The following CNTN5 variants were observed in gnomAD, a reference collection of about 807,000 sequenced individuals.
CNTN5 encodes contactin 5, also known as contactin-5.
Under a neutral mutation model 129.1 loss-of-function variants are expected in CNTN5, and 77 were observed. That is an observed-to-expected ratio of 0.60 (90% CI 0.50 to 0.72). The LOEUF is 0.72. Ranked by LOEUF, CNTN5 falls within the 30% of genes least tolerant of loss-of-function variation. The pLI is 0.00. For synonymous variants in CNTN5, 509 were observed against 465.6 expected (o/e 1.09, Z -1.20); for missense variants, 1,478 against 1,328.8 (o/e 1.11, Z -1.75).
At chr11:99,212,033 T>G (rs1333326844) in intron 1 of CNTN5, among the ~76,000 whole-genome samples, 3 of 152,220 alleles carry the variant, frequency 2.0e-5, no homozygotes, top group Admixed American at 1.3e-4. Context: ...CAGTGCAGTT[T>G]ATTACTGTAT....
chr11:99,636,786 G>T (rs559062005), intron 3 of CNTN5, among the ~76,000 whole-genome samples: 63 of 91,606 alleles, frequency 6.9e-4, no homozygotes, highest in African/African-American at 1.8e-3. Flanking sequence ...AGGCCAAGGT[G>T]GGGGGATGGA....
intron 3 of CNTN5, among the ~76,000 whole-genome samples, chr11:99,804,622 T>C (rs1042616674): frequency 6.6e-6 from 1 of 151,476 alleles, no homozygotes; most frequent in Non-Finnish European, 1.5e-5. Flanking sequence ...CTTACATCTT[T>C]GCAAAGTAAA....
intron 1 of CNTN5, among the ~76,000 whole-genome samples, chr11:99,295,372 T>G (rs1864339571): frequency 1.3e-5 from 2 of 152,268 alleles, no homozygotes; most frequent in Non-Finnish European, 2.9e-5. Flanking sequence ...TTCTATTATT[T>G]AGCATAACTT....
chr11:99,558,423 T>C (rs546882809), intron 3 of CNTN5: 2 of 171,412 alleles, frequency 1.2e-5, no homozygotes, highest in East Asian at 3.3e-4. Flanking sequence ...TTCCATGCAA[T>C]ATTTTATTTC....
chr11:99,712,252 T>C (rs1054695649), intron 3 of CNTN5, among the ~76,000 whole-genome samples: 4 of 152,166 alleles, frequency 2.6e-5, no homozygotes, highest in Non-Finnish European at 5.9e-5. Context: ...TTCTTTCATA[T>C]GTTTTTTTGG....
At chr11:100,093,576 A>G (rs1045792045) in intron 13 of CNTN5, among the ~76,000 whole-genome samples, 2 of 151,962 alleles carry the variant, frequency 1.3e-5, no homozygotes, top group Non-Finnish European at 2.9e-5. Context: ...CCAAGTTGCA[A>G]GTTTTCAGGT....
chr11:100,017,518 G>C (rs1230972586), intron 9 of CNTN5, among the ~76,000 whole-genome samples: 1 of 151,938 alleles, frequency 6.6e-6, no homozygotes, highest in Non-Finnish European at 1.5e-5. Context: ...TGATAAACTA[G>C]AGTAAGATAG....
chr11:99,552,404 A>G (rs2407046), intron 2 of CNTN5, among the ~76,000 whole-genome samples: 13,442 of 152,062 alleles, frequency 0.088, 1,195 homozygotes, highest in East Asian at 0.35. Context: ...AGTAGGAGAA[A>G]AAGATAACTA....
chr11:99,984,702 C>T (rs765755845), intron 8 of CNTN5, among the ~76,000 whole-genome samples: 4 of 152,124 alleles, frequency 2.6e-5, no homozygotes, highest in Non-Finnish European at 5.9e-5. Context: ...TATACAGGCT[C>T]ATAATACATT....
intron 2 of CNTN5, among the ~76,000 whole-genome samples, chr11:99,374,510 C>T (rs1020052814): frequency 6.6e-6 from 1 of 151,948 alleles, no homozygotes; most frequent in Non-Finnish European, 1.5e-5. Flanking sequence ...GGTAAAACCC[C>T]GTCTCTACAA....
rs141758277 is a variant in CNTN5, at chr11:99,967,702, C to T, written c.877+10693C>T. Among the ~76,000 whole-genome samples the T allele has an allele frequency of 2.6e-3, 399 of 152,118 alleles. 1 individual carries two copies. Among genetic ancestry groups the T allele is most frequent in the African/African-American group, 9.1e-3 (376 of 41,512 alleles). On this transcript the variant is annotated intron_variant, in intron 8 of 24. Coordinates refer to ENST00000524871, the MANE Select transcript of CNTN5 (RefSeq NM_014361.4). ...CCCCATTAACCACATCTAATTTTTC[C>T]GAGCCGTAATTCCTCAACAGCTATA...
chr11:99,840,677 A>T (rs1039234268), intron 4 of CNTN5, among the ~76,000 whole-genome samples: 1 of 152,106 alleles, frequency 6.6e-6, no homozygotes, highest in South Asian at 2.1e-4. Context: ...AGACGTTAAC[A>T]TTGTGTGTGA....
intron 8 of CNTN5, among the ~76,000 whole-genome samples, chr11:99,974,754 G>A (rs1320081782): frequency 6.6e-6 from 1 of 152,154 alleles, no homozygotes; most frequent in Non-Finnish European, 1.5e-5. Flanking sequence ...TCAAGAGAAT[G>A]CAGAGACTAA....
At chr11:99,400,579 A>G (rs1941751514) in intron 2 of CNTN5, among the ~76,000 whole-genome samples, 1 of 152,018 alleles carries the variant, frequency 6.6e-6, no homozygotes, top group Non-Finnish European at 1.5e-5. Context: ...GATTTCTGTT[A>G]TGGGGGATAT....
At chr11:99,054,593 C>G (rs1397339723) in intron 1 of CNTN5, among the ~76,000 whole-genome samples, 3 of 151,686 alleles carry the variant, frequency 2.0e-5, no homozygotes, top group Non-Finnish European at 4.4e-5. Flanking sequence ...CAAAGCGTTC[C>G]TTAATCCTTA....
chr11:99,581,939 G>T (rs1949615468), intron 3 of CNTN5, among the ~76,000 whole-genome samples: 1 of 152,026 alleles, frequency 6.6e-6, no homozygotes, highest in Admixed American at 6.6e-5. Flanking sequence ...TTTACAATTT[G>T]GCATGTTTTT....
chr11:99,611,922 G>A (rs1047053486), intron 3 of CNTN5, among the ~76,000 whole-genome samples: 3 of 152,126 alleles, frequency 2.0e-5, no homozygotes, highest in Non-Finnish European at 4.4e-5. Context: ...TACAATGAAG[G>A]AGGTATTTTG....
At chr11:99,750,875 C>CT (rs1944209523) in intron 3 of CNTN5, among the ~76,000 whole-genome samples, 1 of 152,224 alleles carries the variant, frequency 6.6e-6, no homozygotes. Flanking sequence ...CCTGGAGCAT[C>CT]TGTTTCTGCT....
rs142564363 is a variant in CNTN5, at chr11:99,179,292, A to C, written c.-209-146054A>C. Among the ~76,000 whole-genome samples the C allele has an allele frequency of 4.2e-3, 645 of 152,108 alleles. 5 individuals are homozygous for C. Among genetic ancestry groups the C allele is most frequent in the African/African-American group, 0.015 (623 of 41,498 alleles). ...CCCCATCTCTACTAAAAATACAAAA[A>C]TTAGCCGGGCAAAGGGGTGCACACC... On this transcript the variant is annotated intron_variant, in intron 1 of 24. Transcript: ENST00000524871.
Sources: allele counts gnomAD v4.1 joint callset (sites outside exome capture counted in the v4.1 genomes callset), GRCh38; gene constraint gnomAD v4.1.1; transcripts MANE v1.5; gene names NCBI Gene and HGNC (gene_info 2026-07-23, HGNC 2026-07-21).